The following TMSB15B variants were observed in gnomAD, a reference collection of about 807,000 sequenced individuals.
TMSB15B encodes thymosin beta 15B.
At chrX:103,936,857 T>C (rs1556322066) in intron 1 of TMSB15B, among the ~76,000 whole-genome samples, 5 of 112,293 alleles carry the variant, frequency 4.5e-5, no homozygotes, top group South Asian at 7.4e-4. Flanking sequence ...TTAGCATTAA[T>C]GGGTGTTGAA....
intron 1 of TMSB15B, among the ~76,000 whole-genome samples, chrX:103,941,335 A>G (rs781792774): frequency 3.3e-4 from 37 of 112,093 alleles, no homozygotes; most frequent in Middle Eastern, 4.6e-3. Flanking sequence ...TCTTCAATAT[A>G]CGGTTTAAAA....
intron 1 of TMSB15B, among the ~76,000 whole-genome samples, chrX:103,945,824 C>T (rs1202126289): frequency 5.4e-5 from 6 of 111,943 alleles, no homozygotes; most frequent in East Asian, 2.8e-4. Context: ...AGGAATTCAG[C>T]GATCAATTAG....
In TMSB15B at chrX:103,927,951, G is replaced by A. The variant is rs145070681; in HGVS notation, c.-721+8659G>A. 700 of 384,004 alleles carry A rather than the reference G, an allele frequency of 1.8e-3. 8 individuals carry two copies. The highest frequency in any genetic ancestry group is 0.016 in the African/African-American group (651 of 39,887). The allele number at this position is 384,004 out of a possible 1,213,427, so 31.6% of individuals were successfully genotyped here. The stretch of plus-strand genomic sequence containing the variant: ...TATATATCAGAAACTGGCTCAAAGA[G>A]TTGCTTGTTTCTGTCGACCTGAGTT... On this transcript the variant is annotated intron_variant, in intron 1 of 3. Coordinates refer to the TMSB15B transcript ENST00000419165.
chrX:103,920,678 G>C (rs2147814767), intron 1 of TMSB15B, among the ~76,000 whole-genome samples: 1 of 112,777 alleles, frequency 8.9e-6, no homozygotes, highest in South Asian at 3.7e-4. Context: ...TGATGAAGAA[G>C]TGTGAGAAAT....
At chrX:103,944,602 G>A (rs1418573986) in intron 1 of TMSB15B, among the ~76,000 whole-genome samples, 2 of 111,233 alleles carry the variant, frequency 1.8e-5, no homozygotes, top group Non-Finnish European at 3.8e-5. Flanking sequence ...GGCTCTGAAT[G>A]CCAAGCATGG....
At chrX:103,927,614 T>C (rs782394826) in intron 1 of TMSB15B, among the ~76,000 whole-genome samples, 2 of 111,006 alleles carry the variant, frequency 1.8e-5, no homozygotes, top group Non-Finnish European at 3.8e-5. Context: ...GAGAAAGCGT[T>C]GCACTTCAAC....
intron 1 of TMSB15B, among the ~76,000 whole-genome samples, chrX:103,944,009 G>C (rs1398515807): frequency 2.7e-5 from 3 of 111,789 alleles, no homozygotes; most frequent in African/African-American, 9.8e-5. Flanking sequence ...CATGTGATCC[G>C]ACTTCTTCAT....
intron 1 of TMSB15B, among the ~76,000 whole-genome samples, chrX:103,951,424 G>A (rs1486906659): frequency 8.9e-6 from 1 of 111,986 alleles, no homozygotes; most frequent in Non-Finnish European, 1.9e-5. Context: ...GTTAGGATAT[G>A]GAGGCAGTAT....
chrX:103,935,102 CT>C (rs1361904797), intron 1 of TMSB15B, among the ~76,000 whole-genome samples: 1 of 112,386 alleles, frequency 8.9e-6, no homozygotes, highest in African/African-American at 3.2e-5. Flanking sequence ...CGATGATGAG[CT>C]TTTTTGTGTG....
At chrX:103,933,508 T>G (rs2074989714) in intron 1 of TMSB15B, among the ~76,000 whole-genome samples, 1 of 111,837 alleles carries the variant, frequency 8.9e-6, no homozygotes, top group Non-Finnish European at 1.9e-5. Flanking sequence ...AATGATGATA[T>G]CCCTTCTTCC....
At chrX:103,950,633 A>T (rs1168125085) in intron 1 of TMSB15B, among the ~76,000 whole-genome samples, 2 of 109,688 alleles carry the variant, frequency 1.8e-5, no homozygotes, top group African/African-American at 3.3e-5. Flanking sequence ...TATATATATA[A>T]AACAATTTAC....
At chrX:103,923,876 C>T (rs1285091452) in intron 1 of TMSB15B, among the ~76,000 whole-genome samples, 2 of 111,215 alleles carry the variant, frequency 1.8e-5, no homozygotes, top group African/African-American at 6.5e-5. Flanking sequence ...TCTTTTATTT[C>T]GTTGAGCAGT....
At chrX:103,952,510 T>C (rs782501710) in intron 1 of TMSB15B, among the ~76,000 whole-genome samples, 16 of 110,993 alleles carry the variant, frequency 1.4e-4, no homozygotes, top group East Asian at 5.7e-4. Context: ...TCCAGAGTCC[T>C]AAGGGAAGGG....
chrX:103,928,003 A>G (rs1247792830), intron 1 of TMSB15B: 6 of 507,163 alleles, frequency 1.2e-5, no homozygotes, highest in Non-Finnish European at 1.9e-5. Context: ...CAATTAAGCA[A>G]TGAGAATGCT....
intron 1 of TMSB15B, among the ~76,000 whole-genome samples, chrX:103,953,002 G>C (rs113702358): frequency 8.9e-6 from 1 of 112,061 alleles, no homozygotes; most frequent in African/African-American, 3.2e-5. Context: ...AGTAAATATA[G>C]CACTTTCAAT....
At chrX:103,955,443 T>A (rs1376701376) in intron 1 of TMSB15B, among the ~76,000 whole-genome samples, 8 of 109,885 alleles carry the variant, frequency 7.3e-5, no homozygotes, top group Non-Finnish European at 1.3e-4. Context: ...TAGAGAAGAA[T>A]GTAACTGACC....
intron 1 of TMSB15B, among the ~76,000 whole-genome samples, chrX:103,927,618 C>G (rs1569447589): frequency 9.2e-6 from 1 of 109,034 alleles, no homozygotes; most frequent in Non-Finnish European, 1.9e-5. Flanking sequence ...AAGCGTTGCA[C>G]TTCAACTGTT....
At chrX:103,921,080 C>T (rs2074951174) in intron 1 of TMSB15B, among the ~76,000 whole-genome samples, 1 of 112,444 alleles carries the variant, frequency 8.9e-6, no homozygotes, top group Non-Finnish European at 1.9e-5. Context: ...TGCCAAGGCA[C>T]TTCACTCACT....
At chrX:103,934,379 T>C (rs1306451936) in intron 1 of TMSB15B, among the ~76,000 whole-genome samples, 2 of 110,915 alleles carry the variant, frequency 1.8e-5, no homozygotes, top group East Asian at 2.8e-4. Context: ...CTGGGATACA[T>C]GTGCAGAACC....
Sources: allele counts gnomAD v4.1 joint callset (sites outside exome capture counted in the v4.1 genomes callset), GRCh38; gene constraint gnomAD v4.1.1; transcripts MANE v1.5; gene names NCBI Gene and HGNC (gene_info 2026-07-23, HGNC 2026-07-21).